SAMD4A: variants seen among roughly 807,000 people sequenced by gnomAD.
SAMD4A encodes the protein sterile alpha motif domain containing 4A.
Under a neutral mutation model 81.3 loss-of-function variants are expected in SAMD4A, and 33 were observed. The ratio of observed to expected loss-of-function variants is 0.41; its 90% CI spans 0.31 to 0.54. SAMD4A has a LOEUF of 0.54. Among genes scored for constraint, SAMD4A ranks in the 20% least tolerant of loss-of-function variants. The pLI, the probability that SAMD4A is intolerant of heterozygous loss-of-function variation, is 0.37. For missense variants in SAMD4A, 854 were observed against 951.1 expected (o/e 0.90, Z 1.34); for synonymous variants, 389 against 382.1 (o/e 1.02, Z -0.21).
chr14:54,728,086 G>A (rs148302446), intron 3 of SAMD4A, among the ~76,000 whole-genome samples: 1 of 152,312 alleles, frequency 6.6e-6, no homozygotes, highest in East Asian at 1.9e-4. Context: ...GCTGAATTAT[G>A]CCAGGAACCT....
chr14:54,734,914 G>A (rs560482502), intron 3 of SAMD4A: 2 of 152,322 alleles, frequency 1.3e-5, no homozygotes, highest in South Asian at 4.1e-4. Context: ...GTCCCTCTTT[G>A]ACAAGCCCTG....
intron 2 of SAMD4A, among the ~76,000 whole-genome samples, chr14:54,686,919 C>A (rs552494131): frequency 1.3e-3 from 200 of 152,272 alleles, no homozygotes; most frequent in African/African-American, 4.7e-3. Context: ...GGAGTTGCTC[C>A]CTGCCCTGGC....
Position 54,702,448 on chromosome 14 carries a change from G to A in SAMD4A, c.583G>A (p.Asp195Asn). 6.2e-7 allele frequency: 1 copy of A among 1,614,152 alleles called. No homozygotes were observed. Among genetic ancestry groups the A allele is most frequent in the Non-Finnish European group, 8.5e-7 (1 of 1,180,002 alleles). Residue 195 changes from aspartate to asparagine, a missense_variant, in exon 3 of 13, where the codon GAT (aspartate) becomes AAT (asparagine). Around this residue, in one of 3 missense-constraint regions of SAMD4A, gnomAD observed 387 missense variants for 405.8 expected, o/e 0.95. Coordinates refer to ENST00000554335, the MANE Select transcript of SAMD4A (RefSeq NM_015589.6). Reference protein sequence around the residue: ...DKLNGWQNSRDSGICINASNW... With the variant: ...DKLNGWQNSRNSGICINASNW... ...GCTCAATGGGTGGCAGAACTCTCGGGATTCTGGGATTTGCATCAATGCCTC... is the reference window on the plus strand; with the variant it reads ...GCTCAATGGGTGGCAGAACTCTCGGAATTCTGGGATTTGCATCAATGCCTC...
intron 2 of SAMD4A, among the ~76,000 whole-genome samples, chr14:54,695,947 A>G (rs1451753174): frequency 1.1e-4 from 15 of 135,448 alleles, no homozygotes; most frequent in African/African-American, 2.8e-5. Flanking sequence ...GTGAGACTCC[A>G]TCTCAGAAAA....
At chr14:54,736,412 C>A (rs1353843477) in intron 3 of SAMD4A, among the ~76,000 whole-genome samples, 1 of 152,190 alleles carries the variant, frequency 6.6e-6, no homozygotes, top group Non-Finnish European at 1.5e-5. Context: ...CGACAGGTAG[C>A]TGCAGTGCCC....
intron 2 of SAMD4A, among the ~76,000 whole-genome samples, chr14:54,607,457 ATTT>A (rs541264095): frequency 1.4e-5 from 2 of 138,442 alleles, no homozygotes; most frequent in Non-Finnish European, 3.2e-5. Context: ...TCAAGGTCTC[ATTT>A]TTTTTTTTTT....
chr14:54,573,527 G>A (rs926861508), intron 2 of SAMD4A, among the ~76,000 whole-genome samples: 11 of 152,294 alleles, frequency 7.2e-5, no homozygotes, highest in African/African-American at 2.6e-4. Context: ...TCATCTGTGG[G>A]TGAAGTGCTT....
At chr14:54,752,785 G>T (rs1395329883) in intron 6 of SAMD4A, among the ~76,000 whole-genome samples, 4 of 152,152 alleles carry the variant, frequency 2.6e-5, no homozygotes, top group African/African-American at 7.2e-5. Flanking sequence ...TGTTTTTATT[G>T]GTTACTATCT....
intron 12 of SAMD4A, among the ~76,000 whole-genome samples, chr14:54,785,388 C>T (rs1212929122): frequency 6.6e-6 from 1 of 152,262 alleles, no homozygotes; most frequent in Non-Finnish European, 1.5e-5. Flanking sequence ...GCACCTTTCT[C>T]TGGGCCTGGA....
chr14:54,570,569 A>G (rs564735063), intron 2 of SAMD4A, among the ~76,000 whole-genome samples: 2 of 152,376 alleles, frequency 1.3e-5, no homozygotes, highest in Admixed American at 1.3e-4. Flanking sequence ...GGAAAGAGAC[A>G]GAAAAACTGT....
At chr14:54,735,239 C>A (rs1369928590) in intron 3 of SAMD4A, 2 of 151,778 alleles carry the variant, frequency 1.3e-5, no homozygotes, top group African/African-American at 4.8e-5. Context: ...TCTGCTTTCC[C>A]CCCACTTTTC....
At chr14:54,573,142 T>A (rs2033182264) in intron 2 of SAMD4A, among the ~76,000 whole-genome samples, 2 of 152,252 alleles carry the variant, frequency 1.3e-5, no homozygotes, top group Non-Finnish European at 2.9e-5. Flanking sequence ...TAATTTTCTT[T>A]GGGTCAGTCT....
intron 2 of SAMD4A, among the ~76,000 whole-genome samples, chr14:54,639,123 T>C (rs2035105825): frequency 6.6e-6 from 1 of 152,208 alleles, no homozygotes; most frequent in Non-Finnish European, 1.5e-5. Flanking sequence ...CAAATTACTT[T>C]AATCCCTCCA....
intron 5 of SAMD4A, among the ~76,000 whole-genome samples, chr14:54,749,453 A>G (rs560162933): frequency 1.6e-4 from 24 of 152,322 alleles, no homozygotes; most frequent in African/African-American, 5.5e-4. Context: ...ACATTTTTAA[A>G]AAGTCATGTT....
At chr14:54,696,512 C>T (rs1033593871) in intron 2 of SAMD4A, among the ~76,000 whole-genome samples, 15 of 152,168 alleles carry the variant, frequency 9.9e-5, no homozygotes, top group Non-Finnish European at 8.8e-5. Context: ...TGCCTAAATG[C>T]GCTTGTGAGA....
chr14:54,611,367 C>T (rs1325052170), intron 2 of SAMD4A, among the ~76,000 whole-genome samples: 1 of 152,186 alleles, frequency 6.6e-6, no homozygotes, highest in Non-Finnish European at 1.5e-5. Flanking sequence ...ACACCAGTGG[C>T]CTTCCGAGTG....
In SAMD4A at chr14:54,789,037, AT is replaced by A; in HGVS notation, c.*94del. The A allele has an allele frequency of 7.0e-7, 1 of 1,433,940 alleles. No individual in the cohort carries two copies. The highest frequency in any genetic ancestry group is 9.8e-7 in the Non-Finnish European group (1 of 1,017,228). The allele number at this position is 1,433,940 out of a possible 1,614,324, so 88.8% of individuals were successfully genotyped here. A position where few individuals can be genotyped will look rare whatever the true frequency, so the allele number is the denominator to read the frequency against. On this transcript the variant is annotated 3_prime_UTR_variant, in exon 13 of 13. Transcript: ENST00000554335. ...TCAGGGTTGCACAGAATCCTCCAAG[AT>A]ACTTTGCAGCCTTTTTTCCCCCTGG...
At chr14:54,786,989 T>G (rs557245092) in intron 12 of SAMD4A, among the ~76,000 whole-genome samples, 1 of 152,224 alleles carries the variant, frequency 6.6e-6, no homozygotes, top group Admixed American at 6.5e-5. Flanking sequence ...GGTGGCCTAG[T>G]TGGGCACAGT....
Position 54,789,058 on chromosome 14 carries a change from C to T in SAMD4A, c.*114C>T. The T allele has an allele frequency of 2.5e-6, 3 of 1,180,912 alleles. No individual in the cohort carries two copies. In the Admixed American group the frequency reaches 5.2e-5, roughly 21 times the overall value. 73.2% of individuals were successfully genotyped at this position (1,180,912 alleles called of 1,614,324 possible). A position where few individuals can be genotyped will look rare whatever the true frequency, so the allele number is the denominator to read the frequency against. On this transcript the variant is annotated 3_prime_UTR_variant, in exon 13 of 13. Coordinates refer to ENST00000554335, the MANE Select transcript of SAMD4A (RefSeq NM_015589.6). ...CAAGATACTTTGCAGCCTTTTTTCC[C>T]CCTGGTCCCTCTCCCGTTTTGATTT...
Sources: gnomAD v4.1 joint callset for allele counts (sites outside exome capture counted in the v4.1 genomes callset) on GRCh38, gnomAD v4.1.1 for gene constraint, gnomAD v4.1.1 regional missense constraint, MANE v1.5 for transcripts, NCBI Gene and HGNC (gene_info 2026-07-23, HGNC 2026-07-21) for gene names.